The following DYM variants were observed in gnomAD, a reference collection of about 807,000 sequenced individuals.
DYM encodes the protein dyggve-Melchior-Clausen syndrome protein.
In DYM, 78 loss-of-function variants were observed where a neutral mutation model predicts 93.1. The ratio of observed to expected loss-of-function variants is 0.84; its 90% CI spans 0.70 to 1.01. The LOEUF (loss-of-function observed/expected upper bound fraction) is 1.01, where lower values mean the gene tolerates loss of function less well. Ranked by LOEUF, DYM falls within the 50% of genes least tolerant of loss-of-function variation. DYM has a pLI of 0.00. For synonymous variants in DYM, 321 were observed against 319.7 expected (o/e 1.00, Z -0.04); for missense variants, 789 against 845.0 (o/e 0.93, Z 0.82).
At chr18:49,115,167 C>T (rs374500297) in intron 16 of DYM, among the ~76,000 whole-genome samples, 6 of 152,232 alleles carry the variant, frequency 3.9e-5, no homozygotes, top group Admixed American at 1.3e-4. Flanking sequence ...AGTTATTGCA[C>T]GTAAGTGCTT....
intron 13 of DYM, among the ~76,000 whole-genome samples, chr18:49,212,884 C>T (rs1375468127): frequency 6.6e-6 from 1 of 151,970 alleles, no homozygotes; most frequent in Non-Finnish European, 1.5e-5. Flanking sequence ...AGATTCAAAC[C>T]TAGAGCCCTA....
chr18:49,288,789 C>CA (rs1761964146), intron 8 of DYM, among the ~76,000 whole-genome samples: 1 of 150,928 alleles, frequency 6.6e-6, no homozygotes, highest in Admixed American at 6.6e-5. Flanking sequence ...CAAAAAAAAA[C>CA]AAAAAACAAA....
At chr18:49,113,717 G>A (rs924338038) in intron 16 of DYM, among the ~76,000 whole-genome samples, 1 of 152,156 alleles carries the variant, frequency 6.6e-6, no homozygotes, top group Non-Finnish European at 1.5e-5. Flanking sequence ...AGGGATCTTT[G>A]GGGGATAGAT....
intron 13 of DYM, among the ~76,000 whole-genome samples, chr18:49,235,090 A>G (rs961090353): frequency 6.6e-6 from 1 of 152,246 alleles, no homozygotes; most frequent in Non-Finnish European, 1.5e-5. Context: ...CAACCTTGTG[A>G]AACCTGGAAC....
intron 15 of DYM, among the ~76,000 whole-genome samples, chr18:49,149,923 G>A (rs2085629537): frequency 6.6e-6 from 1 of 151,994 alleles, no homozygotes; most frequent in South Asian, 2.1e-4. Context: ...TGGCCAGGAT[G>A]GTCTCGATCT....
chr18:49,092,161 C>T (rs1237636290), intron 17 of DYM, among the ~76,000 whole-genome samples: 1 of 152,184 alleles, frequency 6.6e-6, no homozygotes, highest in African/African-American at 2.4e-5. Flanking sequence ...TTGAAAACCA[C>T]TAATTACTTT....
Position 49,393,048 on chromosome 18 carries a change from G to GAGA in DYM, c.141-1404_141-1403insTCT, listed in dbSNP as rs1405904192. The stretch of plus-strand genomic sequence containing the variant: ...GAAGAAGGAGGAGGAGGAGGAGGAG[G>GAGA]AGGGGAGGAGGGGAGGAGGAGGAGG... On this transcript the variant is annotated intron_variant, in intron 2 of 17. Coordinates refer to ENST00000675505, the MANE Select transcript of DYM (RefSeq NM_001353214.3). 6.9e-5 allele frequency among the ~76,000 whole-genome samples: 8 copies of GAGA among 115,382 alleles called. 2 individuals are homozygous for GAGA. Among genetic ancestry groups the GAGA allele is most frequent in the Non-Finnish European group, 1.3e-4 (7 of 53,608 alleles). The allele number at this position is 115,382 out of a possible 152,430, so 75.7% of individuals were successfully genotyped here.
intron 17 of DYM, among the ~76,000 whole-genome samples, chr18:49,085,086 G>A (rs4490063): frequency 0.025 from 3,799 of 152,082 alleles, 58 homozygotes; most frequent in South Asian, 0.064. Context: ...AAGAAGAAGG[G>A]GTGTAGCTTT....
At chr18:49,103,026 C>A (rs1056017059) in intron 16 of DYM, among the ~76,000 whole-genome samples, 1 of 152,130 alleles carries the variant, frequency 6.6e-6, no homozygotes, top group African/African-American at 2.4e-5. Flanking sequence ...GTTTACAGTC[C>A]CACCAACAGT....
chr18:49,397,591 CAG>C (rs1462283116), intron 2 of DYM, among the ~76,000 whole-genome samples: 3 of 152,210 alleles, frequency 2.0e-5, no homozygotes, highest in Non-Finnish European at 4.4e-5. Context: ...CATACCCCTC[CAG>C]GGTTCTTTTC....
chr18:49,229,342 A>G (rs1342874437), intron 13 of DYM, among the ~76,000 whole-genome samples: 1 of 152,126 alleles, frequency 6.6e-6, no homozygotes, highest in Non-Finnish European at 1.5e-5. Flanking sequence ...CACAGCCTGG[A>G]AGAAATAAAT....
At chr18:49,229,297 T>C (rs1011720052) in intron 13 of DYM, among the ~76,000 whole-genome samples, 1 of 152,048 alleles carries the variant, frequency 6.6e-6, no homozygotes, top group African/African-American at 2.4e-5. Context: ...TAAATGGGAA[T>C]TATAGATTAT....
chr18:49,355,281 A>G (rs2065450724), intron 6 of DYM, among the ~76,000 whole-genome samples: 1 of 152,066 alleles, frequency 6.6e-6, no homozygotes. Context: ...AGATATCAAT[A>G]GATATGCATT....
At position 49,139,901 on chromosome 18, in the gene DYM, C is replaced by T. The variant is rs540053455; in HGVS notation, c.1729-20975G>A. On this transcript the variant is annotated intron_variant, in intron 15 of 17. Transcript: ENST00000675505. ...TTTCTTATTCTCTTTTGCTTCTCTT[C>T]TTTTCTTTCTTTTTAAGAGTGTGGC... Among the ~76,000 whole-genome samples, 5 of 152,192 alleles carry T rather than the reference C, an allele frequency of 3.3e-5. No homozygotes were observed. In the East Asian group the frequency reaches 7.7e-4, roughly 24 times the overall value.
intron 14 of DYM, among the ~76,000 whole-genome samples, chr18:49,192,291 TA>T: frequency 6.6e-6 from 1 of 152,160 alleles, no homozygotes; most frequent in South Asian, 2.1e-4. Context: ...TAATATCTCA[TA>T]GAGTTGTTTT....
intron 13 of DYM, among the ~76,000 whole-genome samples, chr18:49,227,498 T>C (rs528364031): frequency 5.9e-5 from 9 of 152,292 alleles, no homozygotes; most frequent in African/African-American, 2.2e-4. Context: ...ATTAAGTCAT[T>C]ATCAGAAGAC....
At chr18:49,210,673 C>T (rs1035011640) in intron 13 of DYM, among the ~76,000 whole-genome samples, 4 of 152,020 alleles carry the variant, frequency 2.6e-5, no homozygotes, top group African/African-American at 9.7e-5. Context: ...AAGAGTGAAC[C>T]CTAATGTAAA....
intron 8 of DYM, among the ~76,000 whole-genome samples, chr18:49,323,956 G>T (rs1453323320): frequency 1.3e-5 from 2 of 151,918 alleles, no homozygotes; most frequent in Admixed American, 6.6e-5. Context: ...TGGCCAACAT[G>T]GTGAAATCAT....
chr18:49,052,886 G>C (rs1466645211), intron 17 of DYM, among the ~76,000 whole-genome samples: 1 of 152,178 alleles, frequency 6.6e-6, no homozygotes, highest in Non-Finnish European at 1.5e-5. Context: ...GCTAGAACTG[G>C]CTGGCACAGG....
Sources: allele counts gnomAD v4.1 joint callset (sites outside exome capture counted in the v4.1 genomes callset), GRCh38; gene constraint gnomAD v4.1.1; transcripts MANE v1.5; gene names NCBI Gene and HGNC (gene_info 2026-07-23, HGNC 2026-07-21).